The following CNTN4 variants were observed in gnomAD, a reference collection of about 807,000 sequenced individuals.
CNTN4 encodes the protein contactin-4.
CNTN4 carries 77 observed loss-of-function variants against 122.5 expected under a neutral mutation model. The observed-to-expected ratio is 0.63, with a 90% CI of 0.52 to 0.76. The LOEUF (loss-of-function observed/expected upper bound fraction) is 0.76. CNTN4 is among the 30% of genes least tolerant of loss of function. The pLI, the probability that CNTN4 is intolerant of heterozygous loss-of-function variation, is 0.00. For missense variants in CNTN4, 1,256 were observed against 1,259.1 expected (o/e 1.00, Z 0.04); for synonymous variants, 512 against 447.0 (o/e 1.15, Z -1.83).
intron 3 of CNTN4, among the ~76,000 whole-genome samples, chr3:2,558,104 A>C (rs1395657896): frequency 6.6e-6 from 1 of 152,210 alleles, no homozygotes; most frequent in Non-Finnish European, 1.5e-5. Context: ...TTATTTATGC[A>C]CCATTGGCTT....
At chr3:2,397,842 G>C (rs1451757046) in intron 3 of CNTN4, among the ~76,000 whole-genome samples, 1 of 152,072 alleles carries the variant, frequency 6.6e-6, no homozygotes, top group African/African-American at 2.4e-5. Context: ...CAGTAGCTTT[G>C]TTACTCTGAG....
At chr3:2,274,120 C>T (rs1008183977) in intron 2 of CNTN4, among the ~76,000 whole-genome samples, 13 of 152,242 alleles carry the variant, frequency 8.5e-5, no homozygotes, top group Non-Finnish European at 1.8e-4. Context: ...CCGTGGCTCA[C>T]GCTTGTAATC....
At chr3:2,153,667 G>A (rs1429678134) in intron 2 of CNTN4, among the ~76,000 whole-genome samples, 1 of 152,176 alleles carries the variant, frequency 6.6e-6, no homozygotes, top group Non-Finnish European at 1.5e-5. Context: ...TCTGAGCGGG[G>A]AGGTAGTTGA....
At chr3:3,016,719 C>A (rs1053238781) in intron 14 of CNTN4, among the ~76,000 whole-genome samples, 1 of 152,142 alleles carries the variant, frequency 6.6e-6, no homozygotes, top group Admixed American at 6.5e-5. Flanking sequence ...TTGATTACCA[C>A]CTGACTGATT....
chr3:2,221,748 A>G (rs12633359), intron 2 of CNTN4, among the ~76,000 whole-genome samples: 36,663 of 152,048 alleles, frequency 0.24, 5,565 homozygotes, highest in South Asian at 0.4. Context: ...GAATAGACAC[A>G]GCTTCAAAGA....
rs917428211 is a variant in CNTN4 at position 2,329,735 on chromosome 3, A to T, written c.-144-9443A>T. Among the ~76,000 whole-genome samples the T allele has an allele frequency of 2.6e-5, 4 of 151,298 alleles. No individual in the cohort carries two copies. The East Asian group carries it at 5.8e-4, about 22-fold the overall frequency. ...ATAATACACTCTGCCTTATTGAGGC[A>T]TTTTTTTTTATTAAAAACAGCCTTT... is the stretch of plus-strand genomic sequence containing the variant. On this transcript the variant is annotated intron_variant, in intron 2 of 24. Coordinates refer to ENST00000418658, the MANE Select transcript of CNTN4 (RefSeq NM_175607.3).
intron 2 of CNTN4, among the ~76,000 whole-genome samples, chr3:2,168,712 G>C (rs1361273248): frequency 1.3e-5 from 2 of 152,110 alleles, no homozygotes; most frequent in Non-Finnish European, 2.9e-5. Flanking sequence ...TCAAAAAAAT[G>C]AGTTCATAAA....
At chr3:3,008,776 T>A (rs1202375725) in intron 14 of CNTN4, among the ~76,000 whole-genome samples, 3 of 152,122 alleles carry the variant, frequency 2.0e-5, no homozygotes, top group African/African-American at 7.2e-5. Context: ...GTGTTGCAGT[T>A]TTTACCATTA....
rs1248525031 is a variant in CNTN4 at position 2,841,214 on chromosome 3, A to G, written c.454+21633A>G. ...CATTGCCCAAAGAAGTTGGATCAAAAGAGTTACAGCTGGGTGGATTTTAAC... is the reference window on the plus strand; with the variant it reads ...CATTGCCCAAAGAAGTTGGATCAAAGGAGTTACAGCTGGGTGGATTTTAAC... On this transcript the variant is annotated intron_variant, in intron 7 of 24. Coordinates refer to ENST00000418658, the MANE Select transcript of CNTN4 (RefSeq NM_175607.3). This position sits in a 1 kb window ranked among gnomAD's most constrained non-coding sequence, Gnocchi z 4.8. Among the ~76,000 whole-genome samples the G allele has an allele frequency of 1.3e-5, 2 of 152,200 alleles. No individual in the cohort carries two copies. Among genetic ancestry groups the G allele is most frequent in the East Asian group, 3.8e-4 (2 of 5,196 alleles).
intron 2 of CNTN4, among the ~76,000 whole-genome samples, chr3:2,128,250 A>G (rs796650770): frequency 6.6e-6 from 1 of 152,200 alleles, no homozygotes; most frequent in Non-Finnish European, 1.5e-5. Flanking sequence ...ACTGGTGAGC[A>G]TTTGGTGAAT....
At chr3:2,733,695 G>A (rs1370560816) in intron 4 of CNTN4, among the ~76,000 whole-genome samples, 5 of 151,586 alleles carry the variant, frequency 3.3e-5, no homozygotes, top group East Asian at 1.9e-4. Flanking sequence ...CACCATGCCC[G>A]GCTAATTTTT....
At position 2,410,770 on chromosome 3, in the gene CNTN4, T is replaced by C. The variant is rs74463957; in HGVS notation, c.-89+71537T>C. Among the ~76,000 whole-genome samples, 596 of 152,336 alleles carry C rather than the reference T, an allele frequency of 3.9e-3. 4 individuals carry two copies. Among genetic ancestry groups the C allele is most frequent in the African/African-American group, 0.014 (582 of 41,586 alleles). ...AAAAATCAAAGACTAGATGAGCTCA[T>C]TCATGTGAATAAGCTTGGGGATAAA... is the stretch of plus-strand genomic sequence containing the variant. On this transcript the variant is annotated intron_variant, in intron 3 of 24. Transcript: ENST00000418658.
intron 4 of CNTN4, among the ~76,000 whole-genome samples, chr3:2,699,382 C>T (rs1371575642): frequency 6.6e-6 from 1 of 152,180 alleles, no homozygotes; most frequent in Non-Finnish European, 1.5e-5. Context: ...AATGCCACTT[C>T]AGACTAGATC....
At chr3:3,046,451 AG>A (rs1389506726) in intron 23 of CNTN4, among the ~76,000 whole-genome samples, 1 of 152,256 alleles carries the variant, frequency 6.6e-6, no homozygotes, top group Non-Finnish European at 1.5e-5. Context: ...TCTACAAGCC[AG>A]AAGAGAGTGG....
intron 4 of CNTN4, among the ~76,000 whole-genome samples, chr3:2,723,895 C>T (rs546548900): frequency 8.5e-5 from 13 of 152,264 alleles, no homozygotes; most frequent in Middle Eastern, 3.4e-3. Flanking sequence ...CCTCTTATAA[C>T]GGTGGCCTGT....
chr3:2,335,411 C>T (rs1360791666), intron 2 of CNTN4, among the ~76,000 whole-genome samples: 2 of 152,010 alleles, frequency 1.3e-5, no homozygotes, highest in Non-Finnish European at 2.9e-5. Flanking sequence ...GGTAGGAGTA[C>T]ATTAGGCTCA....
intron 13 of CNTN4, among the ~76,000 whole-genome samples, chr3:2,928,311 A>C (rs1013034556): frequency 3.9e-5 from 6 of 152,242 alleles, no homozygotes; most frequent in African/African-American, 1.4e-4. Flanking sequence ...AAATGGGTGA[A>C]CAATAAGAAA....
chr3:2,631,726 G>A (rs1392286206), intron 4 of CNTN4, among the ~76,000 whole-genome samples: 1 of 151,626 alleles, frequency 6.6e-6, no homozygotes, highest in East Asian at 1.9e-4. Context: ...CAAAGTTTAT[G>A]CAGTATTAAA....
chr3:2,627,720 C>G (rs1014667668), intron 4 of CNTN4, among the ~76,000 whole-genome samples: 2 of 152,014 alleles, frequency 1.3e-5, no homozygotes, highest in African/African-American at 4.8e-5. Context: ...GTCTCGATCT[C>G]CTGACCTTGT....
Sources: allele counts gnomAD v4.1 joint callset (sites outside exome capture counted in the v4.1 genomes callset), GRCh38; gene constraint gnomAD v4.1.1; non-coding constraint Gnocchi (gnomAD v3.1); transcripts MANE v1.5; gene names NCBI Gene and HGNC (gene_info 2026-07-23, HGNC 2026-07-21).